LITAF: variants seen among roughly 807,000 people sequenced by gnomAD.
The protein encoded by LITAF is lipopolysaccharide-induced tumor necrosis factor-alpha factor.
A neutral mutation model predicts 14.5 loss-of-function variants in LITAF; 9 were observed. That is an observed-to-expected ratio of 0.62 (90% CI 0.37 to 1.08). The LOEUF (loss-of-function observed/expected upper bound fraction) is 1.08, where lower values mean the gene tolerates loss of function less well. Among genes scored for constraint, LITAF ranks in the 50% least tolerant of loss-of-function variants. The probability of loss-of-function intolerance (pLI) is 0.01; values close to 1 mark genes in which losing one functional copy is unlikely to be tolerated. For missense variants in LITAF, 206 were observed against 213.4 expected (o/e 0.97, Z 0.22); for synonymous variants, 98 against 88.2 (o/e 1.11, Z -0.62).
chr16:11,555,545 G>C (rs1433474326), intron 2 of LITAF, among the ~76,000 whole-genome samples: 1 of 151,804 alleles, frequency 6.6e-6, no homozygotes, highest in Non-Finnish European at 1.5e-5. Flanking sequence ...TGTAGTCTCA[G>C]CTATTCCAGA....
At position 11,632,174 on chromosome 16, in the gene LITAF, G is replaced by C. The variant is rs1247038035; in HGVS notation, c.85+1359C>G. Among the ~76,000 whole-genome samples the C allele has an allele frequency of 6.6e-6, 1 of 152,152 alleles. No individual in the cohort carries two copies. The highest frequency in any genetic ancestry group is 1.5e-5 in the Non-Finnish European group (1 of 68,036). On this transcript the variant is annotated intron_variant, in intron 3 of 3. Transcript: ENST00000574848. This position sits in a 1 kb window ranked among gnomAD's most constrained non-coding sequence, Gnocchi z 4.8. ...GAGCCACTGCGCCCGGCCTCGCAAA[G>C]AACCTATTTTCAAATCAGGTCACCT...
chr16:11,631,488 C>T (rs761247792), intron 3 of LITAF, among the ~76,000 whole-genome samples: 4 of 152,178 alleles, frequency 2.6e-5, no homozygotes, highest in African/African-American at 9.7e-5. Context: ...CACAACCTCC[C>T]GAGCTTAGGT....
Position 11,626,661 on chromosome 16 carries a change from G to A in LITAF, c.85+6872C>T, listed in dbSNP as rs574642884. Among the ~76,000 whole-genome samples, 47 of 150,874 alleles carry A rather than the reference G, an allele frequency of 3.1e-4. No individual in the cohort carries two copies. In the East Asian group the frequency reaches 7.2e-3, roughly 23 times the overall value. ...CCTGTAATTTTTTTTTAGTAGAGAC[G>A]GGGTTTTACCATGTTGGCCAGGCTG... On this transcript the variant is annotated intron_variant, in intron 3 of 3. Transcript: ENST00000574848.
chr16:11,556,740 A>C lies in LITAF; in HGVS notation c.-5-5T>G. On this transcript the variant is annotated splice_region_variant and splice_polypyrimidine_tract_variant and intron_variant, in intron 1 of 3. Transcript: ENST00000622633. ...GTCCTGGAACCGACATTTTACCTAA[A>C]ACAGAAACAGAACATACCAGATAAG... is the stretch of plus-strand genomic sequence containing the variant. 1 of 1,609,414 alleles carries C rather than the reference A, an allele frequency of 6.2e-7. No individual in the cohort carries two copies. Among genetic ancestry groups the C allele is most frequent in the Non-Finnish European group, 8.5e-7 (1 of 1,175,784 alleles).
intron 1 of LITAF, among the ~76,000 whole-genome samples, chr16:11,568,180 T>G (rs2064484983): frequency 6.7e-6 from 1 of 150,248 alleles, no homozygotes; most frequent in Non-Finnish European, 1.5e-5. Context: ...CCAAGCTACT[T>G]AAGAAGCTCA....
intron 3 of LITAF, among the ~76,000 whole-genome samples, chr16:11,618,574 C>G (rs1424471139): frequency 6.6e-6 from 1 of 152,204 alleles, no homozygotes; most frequent in Non-Finnish European, 1.5e-5. Flanking sequence ...GTGCGATGGG[C>G]TAATAGCAAG....
chr16:11,596,100 T>A (rs2141857025), intron 1 of LITAF, among the ~76,000 whole-genome samples: 1 of 152,182 alleles, frequency 6.6e-6, no homozygotes, highest in East Asian at 1.9e-4. Flanking sequence ...GAGGCCCAGG[T>A]GAGCTTCCCA....
intron 2 of LITAF, among the ~76,000 whole-genome samples, chr16:11,555,600 A>T (rs1422787882): frequency 6.6e-6 from 1 of 151,542 alleles, no homozygotes; most frequent in Non-Finnish European, 1.5e-5. Context: ...TCCAGGCTAT[A>T]GCGAGCCATG....
intron 3 of LITAF, among the ~76,000 whole-genome samples, chr16:11,617,809 T>C (rs1404768584): frequency 1.3e-5 from 2 of 152,138 alleles, no homozygotes; most frequent in Admixed American, 6.6e-5. Flanking sequence ...TTGAAGGTGT[T>C]AATGTAATAT....
intron 3 of LITAF, among the ~76,000 whole-genome samples, chr16:11,603,807 G>C (rs1597368317): frequency 6.6e-6 from 1 of 152,330 alleles, no homozygotes; most frequent in African/African-American, 2.4e-5. Flanking sequence ...CACTTTGGGA[G>C]GCTGAGGCGG....
intron 3 of LITAF, among the ~76,000 whole-genome samples, chr16:11,630,377 T>C (rs1360318502): frequency 6.6e-6 from 1 of 152,176 alleles, no homozygotes; most frequent in Non-Finnish European, 1.5e-5. Flanking sequence ...TCGCCAATGA[T>C]GTCCTAAAGC....
At chr16:11,618,668 G>A (rs2065031509) in intron 3 of LITAF, among the ~76,000 whole-genome samples, 1 of 152,122 alleles carries the variant, frequency 6.6e-6, no homozygotes, top group South Asian at 2.1e-4. Flanking sequence ...GGGAGGGGGC[G>A]CTTCATAGAG....
At chr16:11,604,059 G>A (rs998712593) in intron 3 of LITAF, among the ~76,000 whole-genome samples, 1 of 152,080 alleles carries the variant, frequency 6.6e-6, no homozygotes, top group African/African-American at 2.4e-5. Context: ...GCTGGGCGTG[G>A]TGACTCATGC....
intron 3 of LITAF, among the ~76,000 whole-genome samples, chr16:11,624,647 C>T (rs886393257): frequency 2.0e-5 from 3 of 152,204 alleles, no homozygotes; most frequent in African/African-American, 7.2e-5. Flanking sequence ...TATTCACTAT[C>T]ACCCTATGTT....
upstream of LITAF, among the ~76,000 whole-genome samples, chr16:11,599,561 A>T (rs1341809094): frequency 6.6e-6 from 1 of 152,116 alleles, no homozygotes; most frequent in Non-Finnish European, 1.5e-5. Context: ...GCTTCGTGAT[A>T]AGAAAATGGT....
chr16:11,610,369 T>TG (rs956548866), intron 3 of LITAF, among the ~76,000 whole-genome samples: 8 of 151,962 alleles, frequency 5.3e-5, no homozygotes, highest in African/African-American at 1.9e-4. Context: ...GGAGGGTTGG[T>TG]GGGGGTGAGG....
intron 1 of LITAF, among the ~76,000 whole-genome samples, chr16:11,568,114 C>T (rs1033511547): frequency 6.6e-6 from 1 of 151,960 alleles, no homozygotes; most frequent in African/African-American, 2.4e-5. Context: ...ACAATGAGAC[C>T]CCATCTCTAC....
In LITAF at chr16:11,553,503, G is replaced by A. The variant is rs570138450; in HGVS notation, c.377+30C>T. The A allele has an allele frequency of 6.2e-7, 1 of 1,612,894 alleles. No individual in the cohort carries two copies. Among genetic ancestry groups the A allele is most frequent in the Non-Finnish European group, 8.5e-7 (1 of 1,179,588 alleles). ...CAGCACCCAGAGAGAAGGGCAGGAT[G>A]GCTTGGGGCCAAGTGGGAGGCAGAC... is the stretch of plus-strand genomic sequence containing the variant. On this transcript the variant is annotated intron_variant, in intron 3 of 3. Transcript: ENST00000622633. The surrounding 1 kb of genome is among the most constrained non-coding windows in gnomAD (Gnocchi z 7.7).
chr16:11,607,263 C>A (rs1201694636), intron 3 of LITAF, among the ~76,000 whole-genome samples: 3 of 152,202 alleles, frequency 2.0e-5, no homozygotes, highest in African/African-American at 7.2e-5. Flanking sequence ...TCAGAGGATG[C>A]AATGTGATAC....
Sources: gnomAD v4.1 joint callset for allele counts (sites outside exome capture counted in the v4.1 genomes callset) on GRCh38, gnomAD v4.1.1 for gene constraint, Gnocchi (gnomAD v3.1) non-coding constraint, MANE v1.5 for transcripts, NCBI Gene and HGNC (gene_info 2026-07-23, HGNC 2026-07-21) for gene names.